Variants in RPP21 observed in about 807,000 individuals in gnomAD.
The protein encoded by RPP21 is ribonuclease P protein subunit p21.
A neutral mutation model predicts 19.0 loss-of-function variants in RPP21; 21 were observed. The ratio of observed to expected loss-of-function variants is 1.11; its 90% confidence interval spans 0.78 to 1.59. RPP21 has a LOEUF of 1.59. RPP21 is among the 40% of genes most tolerant of loss of function. RPP21 has a pLI of 0.00. For missense variants in RPP21, 215 were observed against 200.2 expected (o/e 1.07, Z -0.45); for synonymous variants, 93 against 78.7 (o/e 1.18, Z -0.96).
At position 30,345,222 on chromosome 6, in the gene RPP21, GT is replaced by G. The variant is rs1562434831; in HGVS notation, c.52del (p.Tyr18ThrfsTer40). On this transcript the variant is annotated frameshift_variant, in exon 1 of 5. Coordinates refer to ENST00000442966, the MANE Select transcript of RPP21 (RefSeq NM_024839.4). LOFTEE classifies it high-confidence loss of function. ...AGGCCTTCCAGAGGCTCAACTTCCTGTACCAGGTGAGTCTGCGACAAGGGCC... is the reference window on the plus strand; with the variant it reads ...AGGCCTTCCAGAGGCTCAACTTCCTGACCAGGTGAGTCTGCGACAAGGGCC... ...REAFQRLNFLYQAAHCVLAQD... is the reference protein window; with the variant it reads ...REAFQRLNFLXQAAHCVLAQD... 2.5e-6 allele frequency: 4 copies of G among 1,604,422 alleles called. No homozygotes were observed. Among genetic ancestry groups the G allele is most frequent in the Admixed American group, 1.7e-5 (1 of 58,570 alleles).
In RPP21 at chr6:30,346,294, G is replaced by A; in HGVS notation, c.242-138G>A. 1 of 1,435,830 alleles carries A rather than the reference G, an allele frequency of 7.0e-7. No individual in the cohort carries two copies. The highest frequency in any genetic ancestry group is 1.4e-5 in the South Asian group (1 of 72,740). The allele number at this position is 1,435,830 out of a possible 1,614,324, so 88.9% of individuals were successfully genotyped here. ...ATCGATGGAGCTTATGCCGAGGCCT[G>A]ACACCATCAAATGTGCATTCAAATT... On this transcript the variant is annotated intron_variant, in intron 3 of 4. Coordinates refer to ENST00000442966, the MANE Select transcript of RPP21 (RefSeq NM_024839.4). The surrounding 1 kb of genome is among the most constrained non-coding windows in gnomAD (Gnocchi z 4.7).
At position 30,345,246 on chromosome 6, in the gene RPP21, G is replaced by A; in HGVS notation, c.57+18G>A. 1 of 1,611,848 alleles carries A rather than the reference G, an allele frequency of 6.2e-7. No individual in the cohort carries two copies. Among genetic ancestry groups the A allele is most frequent in the Non-Finnish European group, 8.5e-7 (1 of 1,179,212 alleles). ...TGTACCAGGTGAGTCTGCGACAAGG[G>A]CCCCACGGGGACGGTGCTCGGCGTC... On this transcript the variant is annotated intron_variant, in intron 1 of 4. Coordinates refer to ENST00000442966, the MANE Select transcript of RPP21 (RefSeq NM_024839.4).
rs1410262202 is a variant in RPP21, at chr6:30,346,753, C to A, written c.408C>A (p.Ser136=). ...PLQPLPNTAH[S]ISDRLPEEKM... ...AACCCTTGCCAAACACAGCCCACTC[C>A]ATTTCAGACCGCCTTCCTGAGGAGA... Residue 136 remains serine, a synonymous_variant, in exon 5 of 5, where the codon TCC becomes TCA. Transcript: ENST00000442966. This position sits in a 1 kb window ranked among gnomAD's most constrained non-coding sequence, Gnocchi z 4.7. The A allele has an allele frequency of 3.7e-6, 6 of 1,613,206 alleles. No homozygotes were observed. The highest frequency in any genetic ancestry group is 4.2e-6 in the Non-Finnish European group (5 of 1,180,048).
rs757821503 is a variant in RPP21, at chr6:30,345,196, G to A, written c.25G>A (p.Glu9Lys). ...GATGGCGGGGCCGGTGAAGGACCGC[G>A]AGGCCTTCCAGAGGCTCAACTTCCT... is the stretch of plus-strand genomic sequence containing the variant. MAGPVKDREAFQRLNFLYQ... is the reference protein window; with the variant it reads MAGPVKDRKAFQRLNFLYQ... Residue 9 changes from glutamate to lysine, a missense_variant, in exon 1 of 5, where the codon GAG becomes AAG. By Grantham distance (56) the Glu-to-Lys change is moderately conservative. Transcript: ENST00000442966. 1 of 1,578,780 alleles carries A rather than the reference G, an allele frequency of 6.3e-7. No individual in the cohort carries two copies. Among genetic ancestry groups the A allele is most frequent in the African/African-American group, 1.3e-5 (1 of 74,726 alleles).
chr6:30,346,638 A>C lies in RPP21; in HGVS notation c.368-75A>C. ...CGTAGAGTGAAGAGGACACATGGAC[A>C]GGTTCTGGGTTGGTGTGAGAAGTAC... On this transcript the variant is annotated intron_variant, in intron 4 of 4. Coordinates refer to ENST00000442966, the MANE Select transcript of RPP21 (RefSeq NM_024839.4). The surrounding 1 kb of genome is among the most constrained non-coding windows in gnomAD (Gnocchi z 4.7). 6.2e-7 allele frequency: 1 copy of C among 1,613,862 alleles called. No homozygotes were observed. The highest frequency in any genetic ancestry group is 1.7e-5 in the Admixed American group (1 of 60,022).
At position 30,346,384 on chromosome 6, in the gene RPP21, G is replaced by T; in HGVS notation, c.242-48G>T. On this transcript the variant is annotated intron_variant, in intron 3 of 4. Transcript: ENST00000442966. This position sits in a 1 kb window ranked among gnomAD's most constrained non-coding sequence, Gnocchi z 4.7. Reference sequence around the variant, plus strand: ...ACTGGAGGCAAAACTGGCAGCAAGAGACCGTTACTTCTAAACGTGGACAGT... The same window carrying T: ...ACTGGAGGCAAAACTGGCAGCAAGATACCGTTACTTCTAAACGTGGACAGT... 6.3e-7 allele frequency: 1 copy of T among 1,588,900 alleles called. No individual in the cohort carries two copies. Among genetic ancestry groups the T allele is most frequent in the South Asian group, 1.1e-5 (1 of 89,390 alleles).
chr6:30,345,250 C>T (rs376169689), intron 1 of RPP21, 22 bp downstream of exon 1: 6 of 1,612,550 alleles, frequency 3.7e-6, no homozygotes, highest in Non-Finnish European at 4.2e-6. Context: ...ACAAGGGCCC[C>T]ACGGGGACGG....
Position 30,346,602 on chromosome 6 carries a change from A to G in RPP21, c.367+45A>G, listed in dbSNP as rs28360031. 61,872 of 1,614,032 alleles carry G rather than the reference A, an allele frequency of 0.038. 1,557 individuals carry two copies. Among genetic ancestry groups the G allele is most frequent in the African/African-American group, 0.085 (6,401 of 74,992 alleles). On this transcript the variant is annotated intron_variant, in intron 4 of 4. Transcript: ENST00000442966. This position sits in a 1 kb window ranked among gnomAD's most constrained non-coding sequence, Gnocchi z 4.7. ...ATGGAGGACACCCCAGAGGATAGGG[A>G]CAATGGAGAACGTAGAGTGAAGAGG...
At chr6:30,345,690 T>G in intron 3 of RPP21, 117 bp downstream of exon 3, 1 of 1,198,720 alleles carries the variant, frequency 8.3e-7, no homozygotes, top group Non-Finnish European at 1.1e-6. Context: ...GGATGTTGGG[T>G]GTGGGATTCG....
chr6:30,346,119 C>G lies in RPP21; in HGVS notation c.242-313C>G. On this transcript the variant is annotated intron_variant, in intron 3 of 4. Coordinates refer to ENST00000442966, the MANE Select transcript of RPP21 (RefSeq NM_024839.4). The surrounding 1 kb of genome is among the most constrained non-coding windows in gnomAD (Gnocchi z 4.7). ...CTAGGCATGTGTGCAGACTCTGAGA[C>G]AAGAGAGCTTGTGGTGCTGTCAAAG... 3.0e-6 allele frequency: 1 copy of G among 332,840 alleles called. No individual in the cohort carries two copies. Among genetic ancestry groups the G allele is most frequent in the Non-Finnish European group, 5.5e-6 (1 of 181,582 alleles). The allele number at this position is 332,840 out of a possible 1,614,324, so 20.6% of individuals were successfully genotyped here. A position where few individuals can be genotyped will look rare whatever the true frequency, so the allele number is the denominator to read the frequency against.
Position 30,346,573 on chromosome 6 carries a change from G to C in RPP21, c.367+16G>C. On this transcript the variant is annotated intron_variant, in intron 4 of 4. Transcript: ENST00000442966. The surrounding 1 kb of genome is among the most constrained non-coding windows in gnomAD (Gnocchi z 4.7). ...AGCCAAGCAGGTGAGAGGTGAGGGA[G>C]AAAATGGAGGACACCCCAGAGGATA... The C allele has an allele frequency of 6.2e-7, 1 of 1,614,160 alleles. No individual in the cohort carries two copies. Among genetic ancestry groups the C allele is most frequent in the Non-Finnish European group, 8.5e-7 (1 of 1,180,028 alleles).
In RPP21 at chr6:30,345,500, G is replaced by A. The variant is rs1363757246; in HGVS notation, c.168G>A (p.Ser56=). ...CCTCCTCCGCCCCCAGGGATCCCTC[G>A]GTGAAGAGGACTCTCTGTCGAGGCT... ...AKRLVLRRDP[S]VKRTLCRGCS... The change falls in exon 3 of 5, where the codon TCG becomes TCA. Residue 56 remains serine (S), a synonymous_variant. Transcript: ENST00000442966. The A allele has an allele frequency of 1.9e-6, 3 of 1,606,190 alleles. No homozygotes were observed. The highest frequency in any genetic ancestry group is 2.2e-5 in the East Asian group (1 of 44,634).
At chr6:30,345,636 G>T in intron 3 of RPP21, 63 bp downstream of exon 3, 2 of 1,380,492 alleles carry the variant, frequency 1.4e-6, no homozygotes, top group South Asian at 1.4e-5. Flanking sequence ...GGGCGGGGTG[G>T]GGGGCGGGCA....
chr6:30,345,610 T>C (rs753871918), intron 3 of RPP21, 37 bp downstream of exon 3: 18 of 1,037,360 alleles, frequency 1.7e-5, no homozygotes, highest in Middle Eastern at 3.6e-4. Context: ...CTGCGGAGCA[T>C]TGGGGGCGCG....
chr6:30,345,745 C>T, intron 3 of RPP21, 172 bp downstream of exon 3: 1 of 720,922 alleles, frequency 1.4e-6, no homozygotes, highest in East Asian at 3.1e-5. Flanking sequence ...CCTAACGCCA[C>T]TTGCACAAAC....
chr6:30,346,726 A>G lies in RPP21; in HGVS notation c.381A>G (p.Leu127=), dbSNP rs1788193672. ...QLGSQADSKP[L]QPLPNTAHSI... ...TCATTTACTCAGATTCCAAACCACT[A>G]CAACCCTTGCCAAACACAGCCCACT... Residue 127 remains leucine, a synonymous_variant, in exon 5 of 5, where the codon CTA becomes CTG. Coordinates refer to ENST00000442966, the MANE Select transcript of RPP21 (RefSeq NM_024839.4). This position sits in a 1 kb window ranked among gnomAD's most constrained non-coding sequence, Gnocchi z 4.7. The G allele has an allele frequency of 2.5e-6, 4 of 1,613,358 alleles. No homozygotes were observed. The highest frequency in any genetic ancestry group is 3.4e-6 in the Non-Finnish European group (4 of 1,180,020).
At chr6:30,345,432 C>T (rs1788020639) in intron 2 of RPP21, 34 bp downstream of exon 2, 1 of 1,607,798 alleles carries the variant, frequency 6.2e-7, no homozygotes, top group Admixed American at 1.7e-5. Context: ...GCGGGCGGGA[C>T]GCGGGAGGAA....
At position 30,345,308 on chromosome 6, in the gene RPP21, G is replaced by A. The variant is rs1787991958; in HGVS notation, c.68G>A (p.Cys23Tyr). 1 of 1,613,746 alleles carries A rather than the reference G, an allele frequency of 6.2e-7. No individual in the cohort carries two copies. The highest frequency in any genetic ancestry group is 2.2e-5 in the East Asian group (1 of 44,872). Residue 23 changes from cysteine (C) to tyrosine (Y), a missense_variant, in exon 2 of 5, where the codon TGT (cysteine) becomes TAT (tyrosine). Physicochemically the swap from Cys to Tyr is radical, Grantham distance 194. Coordinates refer to ENST00000442966, the MANE Select transcript of RPP21 (RefSeq NM_024839.4). ...GCTCCCCTCCCGCAGGCCGCCCATT[G>A]TGTCCTTGCCCAGGACCCCGAGAAC... ...RLNFLYQAAHCVLAQDPENQA... is the reference protein window; with the variant it reads ...RLNFLYQAAHYVLAQDPENQA...
In RPP21 at chr6:30,346,436, C is replaced by T. The variant is rs1481559606; in HGVS notation, c.246C>T (p.Cys82=). The change falls in exon 4 of 5, where the codon TGC becomes TGT. Residue 82 remains cysteine (C), a synonymous_variant. Transcript: ENST00000442966. This position sits in a 1 kb window ranked among gnomAD's most constrained non-coding sequence, Gnocchi z 4.7. ...TTTTTCCCATGTTCACCCTAGGCTG[C>T]AGGGGACAGCGCTGGACCGTACAGA... ...GLTCTQRQRR[C]RGQRWTVQTC... The T allele has an allele frequency of 6.2e-7, 1 of 1,613,528 alleles. No homozygotes were observed. Among genetic ancestry groups the T allele is most frequent in the African/African-American group, 1.3e-5 (1 of 74,864 alleles).
Sources: gnomAD v4.1 joint callset for allele counts on GRCh38, gnomAD v4.1.1 for gene constraint, Gnocchi (gnomAD v3.1) non-coding constraint, MANE v1.5 for transcripts, NCBI Gene and HGNC (gene_info 2026-07-23, HGNC 2026-07-21) for gene names.